The following WSCD2 variants were observed in gnomAD, a reference collection of about 807,000 sequenced individuals.
WSCD2 encodes the protein sialate:O-sulfotransferase 2.
In WSCD2, 28 loss-of-function variants were observed where a neutral mutation model predicts 55.7. That is an observed-to-expected ratio of 0.50 (90% CI 0.37 to 0.69). The LOEUF (loss-of-function observed/expected upper bound fraction) is 0.69. Among genes scored for constraint, WSCD2 ranks in the 30% least tolerant of loss-of-function variants. The pLI is 0.00. For missense variants in WSCD2, 616 were observed against 762.1 expected, an observed-to-expected ratio of 0.81 and a Z score of 2.26; for synonymous variants, 301 against 301.9, an observed-to-expected ratio of 1.00 and a Z score of 0.03.
rs1272790124 is a variant in WSCD2, at chr12:108,129,654, T to A, written c.-824T>A. The A allele has an allele frequency of 6.6e-6, 1 of 152,390 alleles. No homozygotes were observed. The highest frequency in any genetic ancestry group is 1.5e-5 in the Non-Finnish European group (1 of 68,178). 9.4% of individuals were successfully genotyped at this position (152,390 alleles called of 1,614,324 possible). ...CCCCGGCCACCGCTGTCGCCGCTGC[T>A]GCAATTCAAGGCGCACACTATCCCA... On this transcript the variant is annotated 5_prime_UTR_variant, in exon 1 of 9. Transcript: ENST00000547525.
At chr12:108,247,356 A>G (rs926757290) in intron 8 of WSCD2, among the ~76,000 whole-genome samples, 20 of 151,254 alleles carry the variant, frequency 1.3e-4, no homozygotes, top group Middle Eastern at 3.5e-3. Flanking sequence ...ATATAACATA[A>G]TAATATGTTG....
intron 4 of WSCD2, among the ~76,000 whole-genome samples, chr12:108,218,927 A>G (rs1887155471): frequency 1.3e-5 from 2 of 152,034 alleles, no homozygotes; most frequent in African/African-American, 4.8e-5. Flanking sequence ...CCATCAAGTT[A>G]CTCTCTCTTC....
chr12:108,243,967 T>C (rs1319323415), intron 8 of WSCD2, among the ~76,000 whole-genome samples: 1 of 152,198 alleles, frequency 6.6e-6, no homozygotes, highest in African/African-American at 2.4e-5. Flanking sequence ...TAGAGTGAGT[T>C]CACAGCAAAA....
intron 2 of WSCD2, among the ~76,000 whole-genome samples, chr12:108,199,107 G>T (rs1158131341): frequency 6.6e-6 from 1 of 152,214 alleles, no homozygotes; most frequent in Non-Finnish European, 1.5e-5. Context: ...ACAGCCTTTG[G>T]AATCAGGCAG....
rs906851203 is a variant in WSCD2, at chr12:108,140,934, G to A, written c.-552+11008G>A. Among the ~76,000 whole-genome samples, 10 of 152,334 alleles carry A rather than the reference G, an allele frequency of 6.6e-5. No homozygotes were observed. The East Asian group carries it at 1.2e-3, about 18-fold the overall frequency. ...CCATGACAGGTCCTGCGGCCCCTTC[G>A]CTCCCATGCTGCTTTTCAGCGTGAG... On this transcript the variant is annotated intron_variant, in intron 1 of 8. Coordinates refer to ENST00000547525, the MANE Select transcript of WSCD2 (RefSeq NM_014653.4).
chr12:108,203,255 G>A (rs1002477576), intron 2 of WSCD2, among the ~76,000 whole-genome samples: 3 of 152,220 alleles, frequency 2.0e-5, no homozygotes, highest in Non-Finnish European at 2.9e-5. Context: ...CAGTGGCTCT[G>A]CTGGACTGGA....
intron 8 of WSCD2, among the ~76,000 whole-genome samples, chr12:108,242,197 C>T (rs1368040496): frequency 4.6e-5 from 7 of 152,208 alleles, no homozygotes; most frequent in African/African-American, 1.4e-4. Flanking sequence ...ACACTGACTT[C>T]GTTGATTAAA....
In WSCD2 at chr12:108,196,059, TC is replaced by T; in HGVS notation, c.229del (p.Arg77GlyfsTer78). On this transcript the variant is annotated frameshift_variant, in exon 2 of 9. Transcript: ENST00000547525. LOFTEE classifies it high-confidence loss of function. ...GGTGACATGCATCTGGGCAGAGGTT[TC>T]CGGGACACAGGTGAAGCCTCAAGCA... ...FLGDMHLGRG[F>X]RDTGEASSIA... 1.2e-6 allele frequency: 2 copies of T among 1,614,182 alleles called. No individual in the cohort carries two copies. The highest frequency in any genetic ancestry group is 2.2e-5 in the South Asian group (2 of 91,068).
intron 3 of WSCD2, among the ~76,000 whole-genome samples, chr12:108,207,558 TTGGTA>T (rs1885564753): frequency 1.4e-5 from 2 of 139,298 alleles, no homozygotes; most frequent in African/African-American, 5.6e-5. Flanking sequence ...TTTTTTTTTT[TTGGTA>T]TTTTTAGTAG....
chr12:108,224,635 G>C, intron 4 of WSCD2, 104 bp from the exon 5 acceptor site: 1 of 1,468,882 alleles, frequency 6.8e-7, no homozygotes, highest in South Asian at 1.3e-5. Context: ...CTGTGACCTT[G>C]GGCAAGACTC....
rs140259524 is a variant in WSCD2 at position 108,248,357 on chromosome 12, G to A, written c.*14G>A. The stretch of plus-strand genomic sequence containing the variant: ...TACCCAAGATGATGCGTCCACACAG[G>A]GGGAGGGTAGACTGGGAGTCCTGAC... On this transcript the variant is annotated 3_prime_UTR_variant, in exon 9 of 9. Transcript: ENST00000547525. This position sits in a 1 kb window ranked among gnomAD's most constrained non-coding sequence, Gnocchi z 4.3. 1 of 1,600,898 alleles carries A rather than the reference G, an allele frequency of 6.2e-7. No homozygotes were observed. The highest frequency in any genetic ancestry group is 2.2e-5 in the East Asian group (1 of 44,676).
At chr12:108,147,737 G>T (rs1277417676) in intron 1 of WSCD2, among the ~76,000 whole-genome samples, 1 of 152,040 alleles carries the variant, frequency 6.6e-6, no homozygotes, top group Non-Finnish European at 1.5e-5. Flanking sequence ...AAATTAGCCG[G>T]GTGTGGTGTT....
At chr12:108,166,843 G>C (rs147734091) in intron 1 of WSCD2, among the ~76,000 whole-genome samples, 1 of 120,778 alleles carries the variant, frequency 8.3e-6, no homozygotes, top group Non-Finnish European at 1.6e-5. Context: ...ACAGAGTCTC[G>C]CTCTGTTGCC....
intron 1 of WSCD2, among the ~76,000 whole-genome samples, chr12:108,161,509 G>A (rs1005522089): frequency 3.9e-5 from 6 of 152,164 alleles, no homozygotes; most frequent in African/African-American, 1.2e-4. Flanking sequence ...AAATGCCAAA[G>A]ATTGCTGGCA....
chr12:108,149,003 C>A (rs1003738388), intron 1 of WSCD2, among the ~76,000 whole-genome samples: 18 of 152,198 alleles, frequency 1.2e-4, no homozygotes, highest in African/African-American at 4.3e-4. Flanking sequence ...TAATAGGCAT[C>A]ACCCCAATGT....
chr12:108,195,015 G>A (rs1380570172), intron 1 of WSCD2, among the ~76,000 whole-genome samples: 2 of 152,188 alleles, frequency 1.3e-5, no homozygotes, highest in Non-Finnish European at 2.9e-5. Context: ...ATAAGAACCT[G>A]TGCTTGTCCA....
chr12:108,135,947 A>C (rs551041930), intron 1 of WSCD2, among the ~76,000 whole-genome samples: 1 of 152,372 alleles, frequency 6.6e-6, no homozygotes, highest in Admixed American at 6.5e-5. Context: ...AAAGCCTAAA[A>C]CACTTACTAT....
At chr12:108,206,670 G>T (rs774358314) in intron 3 of WSCD2, among the ~76,000 whole-genome samples, 6 of 152,228 alleles carry the variant, frequency 3.9e-5, no homozygotes, top group Non-Finnish European at 7.3e-5. Flanking sequence ...TAGCATACAG[G>T]GTACAGGGTC....
rs149805568 is a variant in WSCD2, at chr12:108,239,486, C to T, written c.1145-858C>T. ...AATCCCCCATCCCCCACCCCCAGGGCATGTCCTTTCATGGTGATAGCAGAG... is the reference window on the plus strand; with the variant it reads ...AATCCCCCATCCCCCACCCCCAGGGTATGTCCTTTCATGGTGATAGCAGAG... On this transcript the variant is annotated intron_variant, in intron 7 of 8. Coordinates refer to ENST00000547525, the MANE Select transcript of WSCD2 (RefSeq NM_014653.4). 2.4e-3 allele frequency among the ~76,000 whole-genome samples: 358 copies of T among 152,278 alleles called. 1 individual carries two copies. The highest frequency in any genetic ancestry group is 3.9e-3 in the Non-Finnish European group (264 of 68,018).
Sources: allele counts gnomAD v4.1 joint callset (sites outside exome capture counted in the v4.1 genomes callset), GRCh38; gene constraint gnomAD v4.1.1; non-coding constraint Gnocchi (gnomAD v3.1); transcripts MANE v1.5; gene names NCBI Gene and HGNC (gene_info 2026-07-23, HGNC 2026-07-21).